The following PRKAR1B variants were observed in gnomAD, a reference collection of about 807,000 sequenced individuals.
The protein encoded by PRKAR1B is cAMP-dependent protein kinase type I-beta regulatory subunit.
PRKAR1B carries 22 observed loss-of-function variants against 46.5 expected under a neutral mutation model. That is an observed-to-expected ratio of 0.47 (90% CI 0.34 to 0.68). PRKAR1B has a LOEUF of 0.68. Ranked by LOEUF, PRKAR1B falls within the 30% of genes least tolerant of loss-of-function variation. The pLI, the probability that PRKAR1B is intolerant of heterozygous loss-of-function variation, is 0.01. For missense variants in PRKAR1B, 445 were observed against 535.6 expected, an observed-to-expected ratio of 0.83 and a Z score of 1.67; for synonymous variants, 259 against 217.7, an observed-to-expected ratio of 1.19 and a Z score of -1.67.
intron 9 of PRKAR1B, among the ~76,000 whole-genome samples, chr7:573,442 T>C (rs899563912): frequency 2.6e-5 from 4 of 151,864 alleles, no homozygotes; most frequent in African/African-American, 4.8e-5. Flanking sequence ...CCTCAGAGCC[T>C]TTCCGGGAAG....
rs141437457 is a variant in PRKAR1B at position 582,682 on chromosome 7, G to A, written c.769+1826C>T. Among the ~76,000 whole-genome samples the A allele has an allele frequency of 5.0e-3, 769 of 152,322 alleles. 7 individuals are homozygous for A. Among genetic ancestry groups the A allele is most frequent in the African/African-American group, 0.017 (725 of 41,572 alleles). ...TCGCCCGGAGCAGGGAGAGGGTCTCGCCCTTCATGGCCTGCAGCAACCGTT... is the reference window on the plus strand; with the variant it reads ...TCGCCCGGAGCAGGGAGAGGGTCTCACCCTTCATGGCCTGCAGCAACCGTT... On this transcript the variant is annotated intron_variant, in intron 8 of 10. Transcript: ENST00000537384.
At chr7:686,492 T>C (rs1460724594) in intron 2 of PRKAR1B, among the ~76,000 whole-genome samples, 1 of 152,062 alleles carries the variant, frequency 6.6e-6, no homozygotes, top group African/African-American at 2.4e-5. Context: ...CAGAGGGTGC[T>C]GAAAATTTTA....
At chr7:683,685 C>G (rs962243029) in intron 2 of PRKAR1B, among the ~76,000 whole-genome samples, 3 of 152,208 alleles carry the variant, frequency 2.0e-5, no homozygotes, top group Non-Finnish European at 4.4e-5. Flanking sequence ...CATGGAGCAG[C>G]GGGATGCAGT....
At chr7:570,362 C>T (rs554412165) in intron 9 of PRKAR1B, among the ~76,000 whole-genome samples, 1 of 152,198 alleles carries the variant, frequency 6.6e-6, no homozygotes, top group African/African-American at 2.4e-5. Context: ...TCATACCCCC[C>T]GTCAAGGAGC....
intron 7 of PRKAR1B, among the ~76,000 whole-genome samples, chr7:588,588 GTGA>G (rs1218370915): frequency 1.4e-5 from 2 of 144,960 alleles, no homozygotes; most frequent in African/African-American, 5.2e-5. Context: ...AGTGACAGTG[GTGA>G]TGACGGTGGT....
intron 4 of PRKAR1B, among the ~76,000 whole-genome samples, chr7:669,867 A>ATTTTTTTTTTTT (rs570284003): frequency 0.018 from 2,355 of 130,966 alleles, 124 homozygotes; most frequent in South Asian, 0.031. Context: ...CACGTGCCAT[A>ATTTTTTTTTTTT]TTTTTTTTTT....
At chr7:565,338 G>A (rs1242831956) in intron 9 of PRKAR1B, 3 of 152,152 alleles carry the variant, frequency 2.0e-5, no homozygotes, top group Admixed American at 6.5e-5. Flanking sequence ...TATGTCCCTC[G>A]GATCCAAAGG....
chr7:700,058 A>G (rs1779978981), intron 2 of PRKAR1B, among the ~76,000 whole-genome samples: 1 of 152,172 alleles, frequency 6.6e-6, no homozygotes, highest in Non-Finnish European at 1.5e-5. Flanking sequence ...GGAGAATGTG[A>G]GAGAAACCCC....
In PRKAR1B at chr7:695,749, C is replaced by T. The variant is rs184399744; in HGVS notation, c.178-15023G>A. 4.6e-5 allele frequency among the ~76,000 whole-genome samples: 7 copies of T among 151,544 alleles called. No individual in the cohort carries two copies. In the East Asian group the frequency reaches 7.8e-4, roughly 17 times the overall value. The stretch of plus-strand genomic sequence containing the variant: ...CGTGATCTCAGCTCACTGCAAGCTC[C>T]GCCTCCCGGGTTCATGCCATTCTCC... On this transcript the variant is annotated intron_variant, in intron 2 of 10. Coordinates refer to ENST00000537384, the MANE Select transcript of PRKAR1B (RefSeq NM_001164760.2).
chr7:551,550 G>C, intron 9 of PRKAR1B, 80 bp from the exon 10 acceptor site: 1 of 1,398,662 alleles, frequency 7.1e-7, no homozygotes, highest in African/African-American at 1.4e-5. Context: ...ACCCCACAGG[G>C]GGTCACCACC....
intron 4 of PRKAR1B, among the ~76,000 whole-genome samples, chr7:671,642 G>A (rs886841995): frequency 1.3e-5 from 2 of 151,940 alleles, no homozygotes; most frequent in East Asian, 1.9e-4. Flanking sequence ...TAAGAGATGG[G>A]GTCTCACTAT....
chr7:698,432 G>A (rs1779885387), intron 2 of PRKAR1B, among the ~76,000 whole-genome samples: 1 of 152,080 alleles, frequency 6.6e-6, no homozygotes, highest in Non-Finnish European at 1.5e-5. Flanking sequence ...ACGTGTGCAT[G>A]TGTGTCTAGG....
At chr7:595,218 C>T (rs757035026) in intron 7 of PRKAR1B, among the ~76,000 whole-genome samples, 5 of 152,208 alleles carry the variant, frequency 3.3e-5, no homozygotes, top group Admixed American at 6.5e-5. Context: ...TGCTGTTCCT[C>T]GGCCCTCACG....
intron 4 of PRKAR1B, among the ~76,000 whole-genome samples, chr7:670,902 C>T (rs575936768): frequency 2.0e-5 from 3 of 152,188 alleles, no homozygotes; most frequent in Non-Finnish European, 4.4e-5. Flanking sequence ...GGCTCAGGAC[C>T]GAGGACACGG....
At chr7:657,325 A>G (rs1272884551) in intron 4 of PRKAR1B, among the ~76,000 whole-genome samples, 1 of 151,654 alleles carries the variant, frequency 6.6e-6, no homozygotes, top group East Asian at 1.9e-4. Context: ...GAACAAATGA[A>G]TGGATGCATG....
chr7:688,759 G>A (rs564991928), intron 2 of PRKAR1B, among the ~76,000 whole-genome samples: 20 of 152,200 alleles, frequency 1.3e-4, no homozygotes, highest in African/African-American at 4.3e-4. Flanking sequence ...CAGCAGTTAC[G>A]TATTGCTGTG....
intron 1 of PRKAR1B, among the ~76,000 whole-genome samples, chr7:723,300 C>A (rs1408054114): frequency 6.6e-6 from 1 of 152,204 alleles, no homozygotes; most frequent in Non-Finnish European, 1.5e-5. Context: ...TGTTGGGCGT[C>A]CCCTTTCCCA....
chr7:726,789 G>A lies in PRKAR1B; in HGVS notation c.-23+421C>T, dbSNP rs540763017. On this transcript the variant is annotated intron_variant, in intron 1 of 10. Coordinates refer to ENST00000537384, the MANE Select transcript of PRKAR1B (RefSeq NM_001164760.2). ...CGGCTGAGGGGGCCGAGACGGCTGAGGCGGTGGAGCTGAGCCGCGCCCTGA... is the reference window on the plus strand; with the variant it reads ...CGGCTGAGGGGGCCGAGACGGCTGAAGCGGTGGAGCTGAGCCGCGCCCTGA... 3.1e-6 allele frequency: 4 copies of A among 1,283,428 alleles called. No homozygotes were observed. In the East Asian group the frequency reaches 9.4e-5, roughly 30 times the overall value. The allele number at this position is 1,283,428 out of a possible 1,614,324, so 79.5% of individuals were successfully genotyped here.
intron 4 of PRKAR1B, among the ~76,000 whole-genome samples, chr7:642,030 A>C (rs536106637): frequency 1.3e-5 from 2 of 152,062 alleles, no homozygotes; most frequent in Non-Finnish European, 2.9e-5. Context: ...CCTCCTCCCC[A>C]AGTGGCTGGG....
Sources: gnomAD v4.1 joint callset for allele counts (sites outside exome capture counted in the v4.1 genomes callset) on GRCh38, gnomAD v4.1.1 for gene constraint, MANE v1.5 for transcripts, NCBI Gene and HGNC (gene_info 2026-07-23, HGNC 2026-07-21) for gene names.